The following KCNQ1 variants were observed in gnomAD, a reference collection of about 807,000 sequenced individuals.
KCNQ1 encodes the protein potassium voltage-gated channel subfamily KQT member 1.
Under a neutral mutation model 72.4 loss-of-function variants are expected in KCNQ1, and 49 were observed. The ratio of observed to expected loss-of-function variants is 0.68; its 90% confidence interval spans 0.54 to 0.86. KCNQ1 has a LOEUF of 0.86. KCNQ1 is among the 40% of genes least tolerant of loss of function. KCNQ1 has a pLI of 0.00. For synonymous variants in KCNQ1, 450 were observed against 412.6 expected, an observed-to-expected ratio of 1.09 and a Z score of -1.10; for missense variants, 790 against 945.1, an observed-to-expected ratio of 0.84 and a Z score of 2.15.
chr11:2,497,230 A>G lies in KCNQ1; in HGVS notation c.387-30698A>G, dbSNP rs1439702207. On this transcript the variant is annotated intron_variant, in intron 1 of 15. Coordinates refer to ENST00000155840, the MANE Select transcript of KCNQ1 (RefSeq NM_000218.3). This position sits in a 1 kb window ranked among gnomAD's most constrained non-coding sequence, Gnocchi z 4.5. ...CTAGCCTGTCTTGCTAGGTTGGGGA[A>G]GTTCTCCTGGATAATATCCTGAAGT... Among the ~76,000 whole-genome samples the G allele has an allele frequency of 1.3e-5, 2 of 152,118 alleles. No homozygotes were observed. Among genetic ancestry groups the G allele is most frequent in the Non-Finnish European group, 2.9e-5 (2 of 68,036 alleles).
intron 10 of KCNQ1, chr11:2,656,207 C>T (rs1372208808): frequency 1.3e-5 from 5 of 398,334 alleles, no homozygotes; most frequent in Non-Finnish European, 2.2e-5. Flanking sequence ...AAAATTGAAT[C>T]CTGGATGAAG....
intron 2 of KCNQ1, among the ~76,000 whole-genome samples, chr11:2,557,129 A>T (rs916565323): frequency 1.3e-5 from 2 of 152,250 alleles, no homozygotes; most frequent in African/African-American, 4.8e-5. Context: ...GGCCAAAGAG[A>T]GGCCAAGAAA....
rs1241586544 is a variant in KCNQ1 at position 2,612,862 on chromosome 11, G to C, written c.1393+24008G>C. 1 of 398,292 alleles carries C rather than the reference G, an allele frequency of 2.5e-6. No homozygotes were observed. Among genetic ancestry groups the C allele is most frequent in the Non-Finnish European group, 4.4e-6 (1 of 226,036 alleles). 24.7% of individuals were successfully genotyped at this position (398,292 alleles called of 1,614,324 possible). On this transcript the variant is annotated intron_variant, in intron 10 of 15. Coordinates refer to ENST00000155840, the MANE Select transcript of KCNQ1 (RefSeq NM_000218.3). The surrounding 1 kb of genome is among the most constrained non-coding windows in gnomAD (Gnocchi z 5.5). ...TATATCGTAGAAACTCTGGATTCTA[G>C]TTCTTCTCCCTAACCAGGGATGATT...
chr11:2,604,521 A>G lies in KCNQ1; in HGVS notation c.1393+15667A>G, dbSNP rs114477050. Among the ~76,000 whole-genome samples, 681 of 151,818 alleles carry G rather than the reference A, an allele frequency of 4.5e-3. 4 individuals are homozygous for G. Among genetic ancestry groups the G allele is most frequent in the African/African-American group, 0.015 (622 of 41,428 alleles). On this transcript the variant is annotated intron_variant, in intron 10 of 15. Coordinates refer to ENST00000155840, the MANE Select transcript of KCNQ1 (RefSeq NM_000218.3). ...AGAAAAGAAAGAGATATGAAAACAC[A>G]TGGGAGTGGAAAGCTGAGTCAAATG...
rs1054754834 is a variant in KCNQ1 at position 2,750,504 on chromosome 11, C to T, written c.1515-18340C>T. 3.3e-5 allele frequency among the ~76,000 whole-genome samples: 5 copies of T among 152,230 alleles called. No individual in the cohort carries two copies. Among genetic ancestry groups the T allele is most frequent in the African/African-American group, 4.8e-5 (2 of 41,452 alleles). ...TGTGGAATCCACCGGTTTCACCCCA[C>T]GTCTTTTCCTCTCCTGCCTGGTAAC... On this transcript the variant is annotated intron_variant, in intron 11 of 15. Coordinates refer to ENST00000155840, the MANE Select transcript of KCNQ1 (RefSeq NM_000218.3). The surrounding 1 kb of genome is among the most constrained non-coding windows in gnomAD (Gnocchi z 6.3).
At chr11:2,763,988 C>G (rs540825242) in intron 11 of KCNQ1, among the ~76,000 whole-genome samples, 11 of 152,230 alleles carry the variant, frequency 7.2e-5, no homozygotes, top group South Asian at 4.1e-4. Context: ...TTGCAAATAA[C>G]AAATGTTTTA....
In KCNQ1 at chr11:2,769,917, T is replaced by A. The variant is rs1846563898; in HGVS notation, c.1590+998T>A. Among the ~76,000 whole-genome samples the A allele has an allele frequency of 6.6e-6, 1 of 151,492 alleles. No homozygotes were observed. Among genetic ancestry groups the A allele is most frequent in the South Asian group, 2.1e-4 (1 of 4,758 alleles). On this transcript the variant is annotated intron_variant, in intron 12 of 15. Transcript: ENST00000155840. The surrounding 1 kb of genome is among the most constrained non-coding windows in gnomAD (Gnocchi z 4.6). ...GTCCGCCGACCACCAGGACCCACAG[T>A]CGGTGGCATCCCAGCCCACCAAGAC...
intron 11 of KCNQ1, chr11:2,680,237 C>T (rs1850370882): frequency 2.6e-6 from 1 of 390,804 alleles, no homozygotes; most frequent in African/African-American, 2.1e-5. Flanking sequence ...AGTTGTCTAT[C>T]TGTGTGTATA....
At chr11:2,747,375 A>G (rs1417090674) in intron 11 of KCNQ1, among the ~76,000 whole-genome samples, 1 of 152,158 alleles carries the variant, frequency 6.6e-6, no homozygotes, top group East Asian at 1.9e-4. Flanking sequence ...GGAGGGAGGG[A>G]AAGACTGGGG....
rs1850161537 is a variant in KCNQ1, at chr11:2,670,379, G to A, written c.1514+8298G>A. Reference sequence around the variant, plus strand: ...TGGTTAGTATAGGCTGAAATTCCAAGAGCATTAACCAGACACCTACTATGT... The same window carrying A: ...TGGTTAGTATAGGCTGAAATTCCAAAAGCATTAACCAGACACCTACTATGT... On this transcript the variant is annotated intron_variant, in intron 11 of 15. Transcript: ENST00000155840. The surrounding 1 kb of genome is among the most constrained non-coding windows in gnomAD (Gnocchi z 4.9). 1.0e-5 allele frequency: 4 copies of A among 398,354 alleles called. No homozygotes were observed. The Admixed American group carries it at 1.3e-4, about 13-fold the overall frequency. The allele number at this position is 398,354 out of a possible 1,614,324, so 24.7% of individuals were successfully genotyped here.
intron 15 of KCNQ1, among the ~76,000 whole-genome samples, chr11:2,843,038 G>A (rs1170237800): frequency 6.6e-6 from 1 of 152,228 alleles, no homozygotes; most frequent in Non-Finnish European, 1.5e-5. Flanking sequence ...GTGAGGAGGT[G>A]CTTTGTGCCC....
chr11:2,583,815 C>T (rs1848542154), intron 7 of KCNQ1, among the ~76,000 whole-genome samples: 1 of 152,224 alleles, frequency 6.6e-6, no homozygotes, highest in Non-Finnish European at 1.5e-5. Flanking sequence ...GGCAGGCCTG[C>T]TCACTCAGCC....
rs1850415979 is a variant in KCNQ1, at chr11:2,682,501, AGT to A, written c.1514+20422_1514+20423del. ...GAGTGAGTGAGTGAGTGAGTGAGTG[AGT>A]GAGTACTTGTGCCCAGGTCAAACCA... On this transcript the variant is annotated intron_variant, in intron 11 of 15. Coordinates refer to ENST00000155840, the MANE Select transcript of KCNQ1 (RefSeq NM_000218.3). The surrounding 1 kb of genome is among the most constrained non-coding windows in gnomAD (Gnocchi z 5.8). The A allele has an allele frequency of 1.0e-5, 4 of 398,360 alleles. No individual in the cohort carries two copies. The highest frequency in any genetic ancestry group is 4.4e-5 in the Admixed American group (1 of 22,686). The allele number at this position is 398,360 out of a possible 1,614,324, so 24.7% of individuals were successfully genotyped here. A position where few individuals can be genotyped will look rare whatever the true frequency, so the allele number is the denominator to read the frequency against.
rs1848621584 is a variant in KCNQ1 at position 2,588,205 on chromosome 11, G to A, written c.1252-508G>A. ...AAGGGGTTGGGGCTGACGCTGGCAT[G>A]GTTCCCCTTCCTGGCCCGTGCCCAC... On this transcript the variant is annotated intron_variant, in intron 9 of 15. Coordinates refer to ENST00000155840, the MANE Select transcript of KCNQ1 (RefSeq NM_000218.3). This position sits in a 1 kb window ranked among gnomAD's most constrained non-coding sequence, Gnocchi z 5.6. 6.6e-6 allele frequency among the ~76,000 whole-genome samples: 1 copy of A among 152,074 alleles called. No individual in the cohort carries two copies. Among genetic ancestry groups the A allele is most frequent in the Non-Finnish European group, 1.5e-5 (1 of 67,978 alleles).
intron 11 of KCNQ1, chr11:2,680,477 T>G (rs1850377310): frequency 5.0e-6 from 2 of 398,586 alleles, no homozygotes; most frequent in Non-Finnish European, 8.8e-6. Flanking sequence ...ACTGATTTTT[T>G]TTTAATTTGG....
rs532400374 is a variant in KCNQ1, at chr11:2,690,493, CG to C, written c.1514+28419del. 1 of 398,454 alleles carries C rather than the reference CG, an allele frequency of 2.5e-6. No homozygotes were observed. The highest frequency in any genetic ancestry group is 4.4e-6 in the Non-Finnish European group (1 of 226,048). 24.7% of individuals were successfully genotyped at this position (398,454 alleles called of 1,614,324 possible). A position where few individuals can be genotyped will look rare whatever the true frequency, so the allele number is the denominator to read the frequency against. ...CCTGGGAACAGCCACTGGGCCCAGT[CG>C]GGGGGGTCTCAGCACCTATCACAAA... On this transcript the variant is annotated intron_variant, in intron 11 of 15. Transcript: ENST00000155840. This position sits in a 1 kb window ranked among gnomAD's most constrained non-coding sequence, Gnocchi z 5.1.
chr11:2,825,197 G>A (rs233451), intron 15 of KCNQ1, among the ~76,000 whole-genome samples: 30,946 of 152,250 alleles, frequency 0.2, 3,486 homozygotes, highest in Non-Finnish European at 0.27. Context: ...CTGGGGCCCG[G>A]CTTCCCCGAC....
intron 10 of KCNQ1, chr11:2,637,148 A>AT (rs1270966613): frequency 4.6e-5 from 7 of 151,920 alleles, no homozygotes; most frequent in African/African-American, 1.5e-4. Context: ...GGATTCATTG[A>AT]TTTTTTGAAG....
intron 10 of KCNQ1, chr11:2,637,476 C>T (rs1210549642): frequency 1.3e-5 from 2 of 152,204 alleles, no homozygotes; most frequent in Non-Finnish European, 2.9e-5. Flanking sequence ...GGTTCAGTTT[C>T]CATGTCGTTG....
Sources: allele counts gnomAD v4.1 joint callset (sites outside exome capture counted in the v4.1 genomes callset), GRCh38; gene constraint gnomAD v4.1.1; non-coding constraint Gnocchi (gnomAD v3.1); transcripts MANE v1.5; gene names NCBI Gene and HGNC (gene_info 2026-07-23, HGNC 2026-07-21).